PDE4D: variants seen among roughly 807,000 people sequenced by gnomAD.
PDE4D encodes the protein phosphodiesterase 4D.
Under a neutral mutation model 87.4 loss-of-function variants are expected in PDE4D, and 24 were observed. The observed-to-expected ratio is 0.27, with a 90% CI of 0.20 to 0.39. The LOEUF (loss-of-function observed/expected upper bound fraction) is 0.39. Among genes scored for constraint, PDE4D ranks in the 10% least tolerant of loss-of-function variants. The pLI is 1.00. For missense variants in PDE4D, 714 were observed against 1,041.0 expected, an observed-to-expected ratio of 0.69 and a Z score of 4.32; for synonymous variants, 384 against 383.2, an observed-to-expected ratio of 1.00 and a Z score of -0.02.
At chr5:59,229,499 T>A (rs1476745720) in intron 1 of PDE4D, among the ~76,000 whole-genome samples, 1 of 152,180 alleles carries the variant, frequency 6.6e-6, no homozygotes, top group Non-Finnish European at 1.5e-5. Context: ...AGCCATGCAA[T>A]CAGGGGTGGG....
In PDE4D at chr5:58,970,437, C is replaced by G. The variant is rs1350868181; in HGVS notation, c.*4227G>C. 1.3e-5 allele frequency: 2 copies of G among 152,068 alleles called. No individual in the cohort carries two copies. The highest frequency in any genetic ancestry group is 2.9e-5 in the Non-Finnish European group (2 of 68,002). The allele number at this position is 152,068 out of a possible 1,614,324, so 9.4% of individuals were successfully genotyped here. A position where few individuals can be genotyped will look rare whatever the true frequency, so the allele number is the denominator to read the frequency against. On this transcript the variant is annotated 3_prime_UTR_variant, in exon 15 of 15. Transcript: ENST00000340635. ...AGAATCTTTCCTTTCACTGAAAAGCCACATGATTCAAGGGCTGGGCAAGTA... is the reference window on the plus strand; with the variant it reads ...AGAATCTTTCCTTTCACTGAAAAGCGACATGATTCAAGGGCTGGGCAAGTA...
intron 1 of PDE4D, among the ~76,000 whole-genome samples, chr5:60,267,651 G>T (rs1004853366): frequency 6.6e-6 from 1 of 152,064 alleles, no homozygotes; most frequent in Non-Finnish European, 1.5e-5. Context: ...CATCAAAAAA[G>T]TTCATTTCCT....
At chr5:59,512,239 G>C (rs931633440) in intron 1 of PDE4D, among the ~76,000 whole-genome samples, 1 of 152,168 alleles carries the variant, frequency 6.6e-6, no homozygotes, top group Non-Finnish European at 1.5e-5. Flanking sequence ...TTTGAATGCT[G>C]TGGCAACTTA....
chr5:59,854,038 G>T (rs1745053000), intron 1 of PDE4D, among the ~76,000 whole-genome samples: 1 of 151,974 alleles, frequency 6.6e-6, no homozygotes, highest in Non-Finnish European at 1.5e-5. Flanking sequence ...CTTCTCAAAA[G>T]TATAATTATT....
intron 1 of PDE4D, among the ~76,000 whole-genome samples, chr5:60,320,148 C>A (rs1472234292): frequency 6.6e-6 from 1 of 152,258 alleles, no homozygotes; most frequent in East Asian, 1.9e-4. Context: ...AGCTTCCCAG[C>A]CGCTTTGTTT....
rs543988870 is a variant in PDE4D, at chr5:59,010,163, TA to T, written c.922-16699del. ...CAATATGGTGAAACCCTGTCTCTAC[TA>T]AAAATACAAAAAATTAGCAGGGTGT... On this transcript the variant is annotated intron_variant, in intron 6 of 14. Coordinates refer to ENST00000340635, the MANE Select transcript of PDE4D (RefSeq NM_001104631.2). 2.4e-3 allele frequency among the ~76,000 whole-genome samples: 359 copies of T among 152,178 alleles called. 4 individuals carry two copies. The highest frequency in any genetic ancestry group is 8.4e-3 in the African/African-American group (348 of 41,544).
intron 1 of PDE4D, among the ~76,000 whole-genome samples, chr5:59,389,802 G>A (rs1368079498): frequency 6.6e-6 from 1 of 152,024 alleles, no homozygotes; most frequent in East Asian, 1.9e-4. Flanking sequence ...CTAAAACAGT[G>A]GATCTCTTGG....
chr5:59,158,179 C>G (rs183467926), intron 5 of PDE4D, among the ~76,000 whole-genome samples: 33 of 152,280 alleles, frequency 2.2e-4, no homozygotes, highest in Admixed American at 1.1e-3. Context: ...TGAATGAAGA[C>G]GATTGCCTTC....
At chr5:60,064,666 G>A (rs778178830) in intron 2 of PDE4D, among the ~76,000 whole-genome samples, 62 of 151,956 alleles carry the variant, frequency 4.1e-4, no homozygotes, top group Non-Finnish European at 7.4e-4. Flanking sequence ...GTTGAGATGC[G>A]GTCTCCTAAA....
intron 2 of PDE4D, among the ~76,000 whole-genome samples, chr5:59,993,268 G>A (rs1041631034): frequency 3.3e-5 from 5 of 152,126 alleles, no homozygotes; most frequent in Non-Finnish European, 5.9e-5. Context: ...TAAAGTTTGA[G>A]AACTAATGGT....
intron 1 of PDE4D, among the ~76,000 whole-genome samples, chr5:60,358,897 C>T (rs1006625530): frequency 1.3e-5 from 2 of 152,142 alleles, no homozygotes; most frequent in Non-Finnish European, 2.9e-5. Context: ...TGTAGAAGGA[C>T]AAACAGAAGC....
intron 1 of PDE4D, among the ~76,000 whole-genome samples, chr5:60,286,709 G>C (rs1326397583): frequency 6.6e-6 from 1 of 152,090 alleles, no homozygotes; most frequent in Non-Finnish European, 1.5e-5. Flanking sequence ...TTACAGCTGA[G>C]GAAAAATAAG....
At chr5:59,885,621 T>C (rs1294733925) in intron 1 of PDE4D, among the ~76,000 whole-genome samples, 2 of 152,194 alleles carry the variant, frequency 1.3e-5, no homozygotes, top group African/African-American at 4.8e-5. Context: ...GTAATGAATC[T>C]TGTAGAGCCA....
In PDE4D at chr5:59,890,266, C is replaced by A. The variant is rs1040505844; in HGVS notation, c.455+2902G>T. ...GGTGGTGCGCACGTACACACACACA[C>A]ACACACACACACACACACACACACA... On this transcript the variant is annotated intron_variant, in intron 1 of 14. Coordinates refer to ENST00000340635, the MANE Select transcript of PDE4D (RefSeq NM_001104631.2). 4.3e-5 allele frequency among the ~76,000 whole-genome samples: 6 copies of A among 139,910 alleles called. No homozygotes were observed. The East Asian group carries it at 9.7e-4, about 23-fold the overall frequency. 91.8% of individuals were successfully genotyped at this position (139,910 alleles called of 152,430 possible).
intron 2 of PDE4D, among the ~76,000 whole-genome samples, chr5:60,050,998 A>C (rs1770077009): frequency 6.6e-6 from 1 of 152,208 alleles, no homozygotes; most frequent in Non-Finnish European, 1.5e-5. Flanking sequence ...ACTATCCTAA[A>C]TATATTTGTA....
chr5:59,291,389 G>A (rs776911678), intron 1 of PDE4D, among the ~76,000 whole-genome samples: 1 of 151,964 alleles, frequency 6.6e-6, no homozygotes, highest in African/African-American at 2.4e-5. Context: ...TAAAACAAAC[G>A]AAGGAGATAG....
intron 1 of PDE4D, among the ~76,000 whole-genome samples, chr5:59,438,676 T>C (rs938652206): frequency 2.0e-5 from 3 of 152,170 alleles, no homozygotes; most frequent in Non-Finnish European, 4.4e-5. Flanking sequence ...ACACTTACAA[T>C]GTTGCCTCAA....
intron 2 of PDE4D, among the ~76,000 whole-genome samples, chr5:60,122,568 G>T: frequency 6.6e-6 from 1 of 152,194 alleles, no homozygotes; most frequent in East Asian, 1.9e-4. Flanking sequence ...AGCTGGAGTG[G>T]CTGGGATGCA....
At chr5:59,990,478 G>A (rs916850828) in intron 2 of PDE4D, among the ~76,000 whole-genome samples, 2 of 151,960 alleles carry the variant, frequency 1.3e-5, no homozygotes, top group Admixed American at 6.6e-5. Flanking sequence ...TCCAACCTTG[G>A]GTTGTATTGT....
Sources: allele counts gnomAD v4.1 joint callset (sites outside exome capture counted in the v4.1 genomes callset), GRCh38; gene constraint gnomAD v4.1.1; transcripts MANE v1.5; gene names NCBI Gene and HGNC (gene_info 2026-07-23, HGNC 2026-07-21).